Variants in NKAIN3 observed in about 807,000 individuals in gnomAD.
NKAIN3 encodes sodium/potassium transporting ATPase interacting 3.
NKAIN3 carries 25 observed loss-of-function variants against 30.2 expected under a neutral mutation model. That is an observed-to-expected ratio of 0.83 (90% CI 0.60 to 1.16). The LOEUF is 1.16. Ranked by LOEUF, NKAIN3 falls within the 50% of genes most tolerant of loss-of-function variation. NKAIN3 has a pLI of 0.00. For synonymous variants in NKAIN3, 91 were observed against 89.6 expected, an observed-to-expected ratio of 1.02 and a Z score of -0.09; for missense variants, 225 against 254.1, an observed-to-expected ratio of 0.89 and a Z score of 0.78.
chr8:62,691,128 A>T (rs1346669990), intron 3 of NKAIN3, among the ~76,000 whole-genome samples: 1 of 152,154 alleles, frequency 6.6e-6, no homozygotes, highest in Non-Finnish European at 1.5e-5. Context: ...TACGTAGTTC[A>T]GTGTTTGTCT....
rs545636433 is a variant in NKAIN3, at chr8:62,367,742, C to T, written c.54+118615C>T. ...TAATAACTGGAAGTCCTAATCAGAG[C>T]AGTTAGGCAAGAGAGAGAAATAAAA... On this transcript the variant is annotated intron_variant, in intron 1 of 6. Transcript: ENST00000623646. 1.9e-4 allele frequency among the ~76,000 whole-genome samples: 29 copies of T among 152,150 alleles called. No homozygotes were observed. The East Asian group carries it at 5.6e-3, about 29-fold the overall frequency.
intron 1 of NKAIN3, among the ~76,000 whole-genome samples, chr8:62,502,539 T>TTCCTTCTCCTTCTCCTTC (rs3059053): frequency 6.7e-6 from 1 of 150,238 alleles, no homozygotes; most frequent in East Asian, 2.0e-4. Context: ...CCTTCCTCCT[T>TTCCTTCTCCTTCTCCTTC]TCCTTCTCCT....
chr8:62,276,630 G>A (rs912356660), intron 1 of NKAIN3, among the ~76,000 whole-genome samples: 5 of 152,108 alleles, frequency 3.3e-5, no homozygotes, highest in Non-Finnish European at 5.9e-5. Flanking sequence ...TTAAAATTAG[G>A]TTGGCAAATT....
chr8:62,389,891 T>C (rs1817539384), intron 1 of NKAIN3, among the ~76,000 whole-genome samples: 1 of 152,184 alleles, frequency 6.6e-6, no homozygotes, highest in Admixed American at 6.5e-5. Context: ...CTTTGCTCTT[T>C]GTTTGTGTTT....
intron 4 of NKAIN3, among the ~76,000 whole-genome samples, chr8:62,818,437 G>T (rs1031955096): frequency 6.6e-6 from 1 of 152,058 alleles, no homozygotes; most frequent in African/African-American, 2.4e-5. Context: ...AAGTCATTTG[G>T]CCCTGTACAT....
chr8:62,715,356 T>C (rs1268807866), intron 3 of NKAIN3, among the ~76,000 whole-genome samples: 2 of 152,180 alleles, frequency 1.3e-5, no homozygotes, highest in Non-Finnish European at 2.9e-5. Context: ...AAACCTAGGT[T>C]CTTCCCATGT....
rs114647857 is a variant in NKAIN3, at chr8:62,976,142, G to C, written c.*10735G>C. On this transcript the variant is annotated 3_prime_UTR_variant, in exon 7 of 7. Transcript: ENST00000623646. ...TTAGGAAAATGTGCTATGTGATGCTGAGGAGAATGTATATTCTGTTGATTT... is the reference window on the plus strand; with the variant it reads ...TTAGGAAAATGTGCTATGTGATGCTCAGGAGAATGTATATTCTGTTGATTT... Among the ~76,000 whole-genome samples, 49 of 152,302 alleles carry C rather than the reference G, an allele frequency of 3.2e-4. 1 individual carries two copies. Among genetic ancestry groups the C allele is most frequent in the African/African-American group, 1.2e-3 (48 of 41,562 alleles).
intron 5 of NKAIN3, among the ~76,000 whole-genome samples, chr8:62,998,655 T>G (rs185547896): frequency 5.8e-4 from 88 of 152,350 alleles, no homozygotes; most frequent in South Asian, 2.3e-3. Context: ...TTGGCTGATA[T>G]GCATGAATTC....
At chr8:62,494,140 T>C (rs1807158858) in intron 1 of NKAIN3, among the ~76,000 whole-genome samples, 1 of 152,166 alleles carries the variant, frequency 6.6e-6, no homozygotes, top group Admixed American at 6.6e-5. Flanking sequence ...TTCCAATTCA[T>C]TATGATGCTT....
intron 1 of NKAIN3, among the ~76,000 whole-genome samples, chr8:62,421,859 G>T (rs146402589): frequency 7.5e-4 from 114 of 152,132 alleles, no homozygotes; most frequent in African/African-American, 2.6e-3. Context: ...TTGAGTAATA[G>T]ATGAAACAAT....
At chr8:62,464,796 C>T (rs1233028909) in intron 1 of NKAIN3, among the ~76,000 whole-genome samples, 1 of 152,156 alleles carries the variant, frequency 6.6e-6, no homozygotes, top group African/African-American at 2.4e-5. Context: ...TGACATTTCA[C>T]AGGCCTAAAT....
At chr8:62,998,102 CT>C (rs1392338959) in intron 5 of NKAIN3, among the ~76,000 whole-genome samples, 1 of 152,196 alleles carries the variant, frequency 6.6e-6, no homozygotes, top group Non-Finnish European at 1.5e-5. Context: ...TGCTCAGAGA[CT>C]TTACATCCCC....
At chr8:62,688,747 C>G (rs892193194) in intron 3 of NKAIN3, among the ~76,000 whole-genome samples, 4 of 137,172 alleles carry the variant, frequency 2.9e-5, no homozygotes, top group African/African-American at 1.3e-4. Flanking sequence ...GACAGACACA[C>G]ACACACACAC....
At chr8:62,266,641 G>A (rs1342710882) in intron 1 of NKAIN3, among the ~76,000 whole-genome samples, 1 of 152,058 alleles carries the variant, frequency 6.6e-6, no homozygotes, top group African/African-American at 2.4e-5. Context: ...CTGGAGGCGG[G>A]GCTCAGACAC....
intron 4 of NKAIN3, among the ~76,000 whole-genome samples, chr8:62,786,855 C>A (rs151324914): frequency 2.0e-5 from 3 of 152,242 alleles, no homozygotes; most frequent in Admixed American, 6.5e-5. Flanking sequence ...CACATGTGAA[C>A]AGTTTGAATG....
intron 1 of NKAIN3, among the ~76,000 whole-genome samples, chr8:62,521,194 G>T (rs894950412): frequency 6.6e-6 from 1 of 151,842 alleles, no homozygotes; most frequent in Non-Finnish European, 1.5e-5. Flanking sequence ...ATAGCGGATC[G>T]CACCAATCGT....
intron 1 of NKAIN3, among the ~76,000 whole-genome samples, chr8:62,468,523 A>G (rs1184187091): frequency 2.0e-5 from 3 of 152,234 alleles, no homozygotes; most frequent in Non-Finnish European, 4.4e-5. Context: ...TGGAAATGGC[A>G]GCACATTTGC....
chr8:62,883,089 C>A (rs1201426151), intron 4 of NKAIN3, among the ~76,000 whole-genome samples: 3 of 152,054 alleles, frequency 2.0e-5, no homozygotes, highest in Non-Finnish European at 4.4e-5. Context: ...TGTTTGGCAT[C>A]CACAAGATAA....
intron 1 of NKAIN3, among the ~76,000 whole-genome samples, chr8:62,488,654 C>T (rs895138352): frequency 6.6e-6 from 1 of 152,116 alleles, no homozygotes; most frequent in Non-Finnish European, 1.5e-5. Flanking sequence ...AAGTTATCAG[C>T]GTATAGGTCT....
Sources: allele counts gnomAD v4.1 joint callset (sites outside exome capture counted in the v4.1 genomes callset), GRCh38; gene constraint gnomAD v4.1.1; transcripts MANE v1.5; gene names NCBI Gene and HGNC (gene_info 2026-07-23, HGNC 2026-07-21).